The following SLCO1C1 variants were observed in gnomAD, a reference collection of about 807,000 sequenced individuals.
SLCO1C1 encodes solute carrier organic anion transporter family member 1C1, also known as OAT-RP-5.
SLCO1C1 carries 70 observed loss-of-function variants against 76.4 expected under a neutral mutation model. The ratio of observed to expected loss-of-function variants is 0.92; its 90% confidence interval spans 0.76 to 1.12. The LOEUF (loss-of-function observed/expected upper bound fraction) is 1.12. Among genes scored for constraint, SLCO1C1 ranks in the 50% most tolerant of loss-of-function variants. The pLI is 0.00. For missense variants in SLCO1C1, 912 were observed against 823.8 expected (o/e 1.11, Z -1.31); for synonymous variants, 306 against 286.1 (o/e 1.07, Z -0.70).
chr12:20,745,588 G>C (rs1298457239), intron 13 of SLCO1C1, among the ~76,000 whole-genome samples: 1 of 152,120 alleles, frequency 6.6e-6, no homozygotes, highest in East Asian at 1.9e-4. Flanking sequence ...ACTTTGAGAG[G>C]CCGAGGCAGG....
At chr12:20,725,175 A>G (rs1947908688) in intron 9 of SLCO1C1, among the ~76,000 whole-genome samples, 1 of 136,790 alleles carries the variant, frequency 7.3e-6, no homozygotes, top group Non-Finnish European at 1.5e-5. Flanking sequence ...TATTATTTAT[A>G]TTATAAATCA....
chr12:20,746,594 T>A (rs1023645466), intron 13 of SLCO1C1, among the ~76,000 whole-genome samples: 5 of 152,162 alleles, frequency 3.3e-5, no homozygotes, highest in African/African-American at 1.2e-4. Flanking sequence ...CACACGCATC[T>A]TAGCATTACT....
In SLCO1C1 at chr12:20,737,153, A is replaced by G. The variant is rs1426312611; in HGVS notation, c.1429A>G (p.Asn477Asp). ...YHERALFSDC[N>D]SRCKCSETKW... ...TGAACGAGCTCTCTTTTCAGATTGC[A>G]ACTCAAGATGCAAATGTTCAGAGAC... The change falls in exon 11 of 15, where the codon AAC becomes GAC. Residue 477 changes from asparagine (N) to aspartate (D), a missense_variant. Coordinates refer to ENST00000266509, the MANE Select transcript of SLCO1C1 (RefSeq NM_017435.5). The G allele has an allele frequency of 6.4e-7, 1 of 1,559,302 alleles. No individual in the cohort carries two copies. The highest frequency in any genetic ancestry group is 8.6e-7 in the Non-Finnish European group (1 of 1,159,900).
chr12:20,701,570 A>AACTT, intron 3 of SLCO1C1, 111 bp downstream of exon 3: 1 of 735,746 alleles, frequency 1.4e-6, no homozygotes, highest in Non-Finnish European at 1.8e-6. Context: ...TATTCATAAA[A>AACTT]TCTTTTTTTT....
chr12:20,751,008 T>C, intron 14 of SLCO1C1: 1 of 868,188 alleles, frequency 1.2e-6, no homozygotes, highest in Admixed American at 2.9e-5. Flanking sequence ...CCATTTTAAA[T>C]GAGTAATCAT....
In SLCO1C1 at chr12:20,739,124, T is replaced by C. The variant is rs930388538; in HGVS notation, c.1549-1060T>C. Among the ~76,000 whole-genome samples the C allele has an allele frequency of 2.6e-5, 4 of 152,340 alleles. No homozygotes were observed. The East Asian group carries it at 7.7e-4, about 29-fold the overall frequency. The stretch of plus-strand genomic sequence containing the variant: ...GAGTTTTATGCACCAGAATTATTTT[T>C]TTCTCATAGCCACTGTAAATTATGT... On this transcript the variant is annotated intron_variant, in intron 11 of 14. Transcript: ENST00000266509.
At chr12:20,700,235 C>A (rs965928181) in intron 2 of SLCO1C1, 1 of 151,728 alleles carries the variant, frequency 6.6e-6, no homozygotes, top group Non-Finnish European at 1.5e-5. Context: ...ACATTCTAAC[C>A]AGTTTTTATT....
intron 8 of SLCO1C1, 96 bp from the exon 9 acceptor site, chr12:20,722,994 A>G (rs1312382504): frequency 9.3e-7 from 1 of 1,080,384 alleles, no homozygotes; most frequent in Non-Finnish European, 1.3e-6. Context: ...ACTGTGTGAC[A>G]ATGGGCCCCA....
chr12:20,726,645 T>C (rs937008748), intron 9 of SLCO1C1, among the ~76,000 whole-genome samples: 2 of 152,166 alleles, frequency 1.3e-5, no homozygotes, highest in African/African-American at 4.8e-5. Context: ...GAAAGAAATT[T>C]GGATAGGCAG....
intron 14 of SLCO1C1, chr12:20,751,001 T>C (rs1228383839): frequency 2.2e-6 from 2 of 910,844 alleles, no homozygotes; most frequent in Non-Finnish European, 3.2e-6. Context: ...TTGACCCCCA[T>C]TTTAAATGAG....
At chr12:20,721,620 C>G (rs996484740) in intron 7 of SLCO1C1, among the ~76,000 whole-genome samples, 184 bp from the exon 8 acceptor site, 3 of 151,772 alleles carry the variant, frequency 2.0e-5, no homozygotes, top group Non-Finnish European at 4.4e-5. Flanking sequence ...TGGTCTGGAG[C>G]TGAACCTGCA....
chr12:20,701,470 CA>C lies in SLCO1C1; in HGVS notation c.271+12del. ...GTAGTTTTGAAATTGGTAGGTATTACAGATGCCTGACTTTAATTTTAAGCCC... is the reference window on the plus strand; with the variant it reads ...GTAGTTTTGAAATTGGTAGGTATTACGATGCCTGACTTTAATTTTAAGCCC... On this transcript the variant is annotated intron_variant, in intron 3 of 14. Coordinates refer to ENST00000266509, the MANE Select transcript of SLCO1C1 (RefSeq NM_017435.5). 1 of 1,459,062 alleles carries C rather than the reference CA, an allele frequency of 6.9e-7. No homozygotes were observed. Among genetic ancestry groups the C allele is most frequent in the East Asian group, 2.4e-5 (1 of 41,072 alleles). The allele number at this position is 1,459,062 out of a possible 1,614,324, so 90.4% of individuals were successfully genotyped here.
chr12:20,720,945 C>T (rs1441803732), intron 7 of SLCO1C1, among the ~76,000 whole-genome samples: 5 of 139,952 alleles, frequency 3.6e-5, no homozygotes, highest in Non-Finnish European at 7.5e-5. Flanking sequence ...TGTGGTGGGC[C>T]GAGATCGCGC....
In SLCO1C1 at chr12:20,706,058, A is replaced by C. The variant is rs375035942; in HGVS notation, c.381A>C (p.Ala127=). The change falls in exon 4 of 15, where the codon GCA becomes GCC. Residue 127 remains alanine (A), a synonymous_variant. Coordinates refer to ENST00000266509, the MANE Select transcript of SLCO1C1 (RefSeq NM_017435.5). ...TGGGAGTTGGAACACTGCTCATTGC[A>C]ATGCCTCAGTTCTTCATGGAGCAGT... The part of the protein sequence containing the change: ...VIMGVGTLLI[A]MPQFFMEQYK... 6.8e-6 allele frequency: 11 copies of C among 1,612,774 alleles called. No homozygotes were observed. The highest frequency in any genetic ancestry group is 9.3e-6 in the Non-Finnish European group (11 of 1,179,272).
chr12:20,713,564 G>A (rs951448731), intron 5 of SLCO1C1, among the ~76,000 whole-genome samples: 3 of 152,136 alleles, frequency 2.0e-5, no homozygotes, highest in African/African-American at 4.8e-5. Context: ...GTGAGCTCCT[G>A]TTCCCTTAAA....
intron 3 of SLCO1C1, among the ~76,000 whole-genome samples, chr12:20,705,255 T>A (rs1451778474): frequency 1.3e-5 from 2 of 151,970 alleles, no homozygotes. Context: ...TTTAAACCAT[T>A]TTTCACAAAA....
chr12:20,716,669 G>C (rs1947372939), intron 6 of SLCO1C1, among the ~76,000 whole-genome samples: 1 of 152,076 alleles, frequency 6.6e-6, no homozygotes, highest in African/African-American at 2.4e-5. Flanking sequence ...ACAGGTCCTG[G>C]TCTCACTAAT....
At chr12:20,748,866 G>T (rs1379740653) in intron 13 of SLCO1C1, among the ~76,000 whole-genome samples, 1 of 152,076 alleles carries the variant, frequency 6.6e-6, no homozygotes, top group Non-Finnish European at 1.5e-5. Flanking sequence ...CATCATTTCA[G>T]TTTATACCTC....
intron 11 of SLCO1C1, 33 bp downstream of exon 11, chr12:20,737,305 G>A (rs750798332): frequency 2.6e-6 from 4 of 1,532,688 alleles, no homozygotes; most frequent in Middle Eastern, 1.7e-4. Flanking sequence ...TATGGCGATG[G>A]TCCTGTTACA....
Sources: allele counts gnomAD v4.1 joint callset (sites outside exome capture counted in the v4.1 genomes callset), GRCh38; gene constraint gnomAD v4.1.1; transcripts MANE v1.5; gene names NCBI Gene and HGNC (gene_info 2026-07-23, HGNC 2026-07-21).